The following SOCS2 variants were observed in gnomAD, a reference collection of about 807,000 sequenced individuals.
SOCS2 encodes CIS-2.
In SOCS2, 10 loss-of-function variants were observed where a neutral mutation model predicts 18.6. The ratio of observed to expected loss-of-function variants is 0.54; its 90% CI spans 0.33 to 0.91. The LOEUF is 0.91. Among genes scored for constraint, SOCS2 ranks in the 40% least tolerant of loss-of-function variants. The pLI is 0.02. For synonymous variants in SOCS2, 104 were observed against 104.0 expected (o/e 1.00, Z 0.00); for missense variants, 231 against 247.2 (o/e 0.93, Z 0.44).
chr12:93,608,000 CT>C, the SOCS2 span, among the ~76,000 whole-genome samples: 1,147 of 124,440 alleles, frequency 9.2e-3, 1 homozygote, highest in Non-Finnish European at 0.012. Flanking sequence ...GACTGTAAAT[CT>C]TTTTTTTTTT....
upstream of SOCS2, chr12:93,572,669 C>G (rs1355976601): frequency 8.4e-6 from 6 of 718,002 alleles, no homozygotes; most frequent in Admixed American, 1.2e-4. The surrounding 1 kb of genome is among the most constrained non-coding windows in gnomAD (Gnocchi z 5.0). Flanking sequence ...CCCAACCTCC[C>G]GCTTTCTCTT....
At chr12:93,614,416 T>TCC in the SOCS2 span, among the ~76,000 whole-genome samples, 148 of 112,056 alleles carry the variant, frequency 1.3e-3, 2 homozygotes, top group South Asian at 2.5e-3. Context: ...TTTCTTTCTT[T>TCC]CTTCCTTTCT....
downstream of SOCS2, among the ~76,000 whole-genome samples, chr12:93,586,970 C>T (rs1217474453): frequency 6.6e-6 from 1 of 152,104 alleles, no homozygotes; most frequent in East Asian, 1.9e-4. Flanking sequence ...GAGTTCAAGA[C>T]CAGCCTGGCC....
At chr12:93,595,492 T>G in the SOCS2 span, among the ~76,000 whole-genome samples, 1 of 152,330 alleles carries the variant, frequency 6.6e-6, no homozygotes, top group South Asian at 2.1e-4. Flanking sequence ...GAGTCTCACA[T>G]TTCTTGCATG....
the SOCS2 span, among the ~76,000 whole-genome samples, chr12:93,611,598 G>A: frequency 6.6e-6 from 1 of 152,102 alleles, no homozygotes; most frequent in African/African-American, 2.4e-5. Flanking sequence ...ATCAGCTATA[G>A]CAACCAAAGC....
chr12:93,577,846 C>T (rs994314071), downstream of SOCS2, among the ~76,000 whole-genome samples: 2 of 152,052 alleles, frequency 1.3e-5, no homozygotes, highest in African/African-American at 4.8e-5. Flanking sequence ...TTATTGGTAG[C>T]CCCATTTATA....
upstream of SOCS2, chr12:93,571,447 A>G (rs1943706279): frequency 6.6e-6 from 1 of 151,918 alleles, no homozygotes. Context: ...TCTTTTTTTT[A>G]TTTCCCCTAA....
the SOCS2 span, among the ~76,000 whole-genome samples, chr12:93,610,524 C>G: frequency 6.6e-6 from 1 of 152,154 alleles, no homozygotes; most frequent in African/African-American, 2.4e-5. Context: ...CCATGTGTTC[C>G]TCCAAAGTCC....
At chr12:93,572,123 G>C (rs1446156041), upstream of SOCS2, 2 of 170,500 alleles carry the variant, frequency 1.2e-5, no homozygotes, top group African/African-American at 2.4e-5. The surrounding 1 kb of genome is among the most constrained non-coding windows in gnomAD (Gnocchi z 5.0). Flanking sequence ...CCAGGAAGCG[G>C]GGGGAGGGGA....
At chr12:93,616,620 G>A in the SOCS2 span, among the ~76,000 whole-genome samples, 36 of 152,126 alleles carry the variant, frequency 2.4e-4, no homozygotes, top group African/African-American at 7.5e-4. Context: ...ACCACCCACT[G>A]TCACATAACA....
the SOCS2 span, among the ~76,000 whole-genome samples, chr12:93,619,353 G>A: frequency 1.3e-5 from 2 of 152,192 alleles, no homozygotes; most frequent in Non-Finnish European, 2.9e-5. Flanking sequence ...TGGGGCCCCA[G>A]AACAGGGCAG....
chr12:93,609,723 C>T, the SOCS2 span, among the ~76,000 whole-genome samples: 3 of 152,184 alleles, frequency 2.0e-5, no homozygotes, highest in African/African-American at 7.2e-5. Context: ...TGACTGTTCC[C>T]TAGGGATCTG....
the SOCS2 span, among the ~76,000 whole-genome samples, chr12:93,597,986 C>T: frequency 3.9e-5 from 6 of 152,072 alleles, no homozygotes; most frequent in African/African-American, 1.4e-4. Context: ...GTGTGCTAGA[C>T]CTCAGGAATA....
At chr12:93,619,101 C>G in the SOCS2 span, among the ~76,000 whole-genome samples, 1 of 152,222 alleles carries the variant, frequency 6.6e-6, no homozygotes, top group African/African-American at 2.4e-5. Context: ...GGAAAGCTAT[C>G]CCCACCGGTA....
chr12:93,586,977 G>C (rs747395194), downstream of SOCS2, among the ~76,000 whole-genome samples: 34 of 152,130 alleles, frequency 2.2e-4, no homozygotes, highest in Non-Finnish European at 3.1e-4. Context: ...AGACCAGCCT[G>C]GCCAACATGG....
the SOCS2 span, among the ~76,000 whole-genome samples, chr12:93,588,926 A>C: frequency 1.5e-4 from 23 of 152,166 alleles, no homozygotes; most frequent in Admixed American, 1.3e-4. Context: ...CTGGCCTGAC[A>C]GAGTGAATTT....
the SOCS2 span, among the ~76,000 whole-genome samples, chr12:93,614,593 T>C: frequency 1.8e-5 from 2 of 114,058 alleles, no homozygotes; most frequent in Admixed American, 1.0e-4. Context: ...CTTTCTTTCT[T>C]TCTTTCTTTC....
Position 93,574,793 on chromosome 12 carries a change from T to A in SOCS2, c.211T>A (p.Leu71Met). 6.2e-7 allele frequency: 1 copy of A among 1,614,198 alleles called. No individual in the cohort carries two copies. Among genetic ancestry groups the A allele is most frequent in the Non-Finnish European group, 8.5e-7 (1 of 1,180,026 alleles). Residue 71 changes from leucine (L) to methionine (M), a missense_variant, in exon 2 of 2, where the codon TTG becomes ATG. By Grantham distance (15) the Leu-to-Met change is conservative. This residue lies in a region of SOCS2 where 106 missense variants were observed against 103.8 expected (regional missense o/e 1.02). Transcript: ENST00000551556. ...AAAAGAGGCACCAGAAGGAACTTTC[T>A]TGATTAGAGATAGCTCGCATTCAGA... ...KLKEAPEGTF[L>M]IRDSSHSDYL...
At chr12:93,573,510 G>GC (rs904392931) in intron 1 of SOCS2, 12 of 273,188 alleles carry the variant, frequency 4.4e-5, no homozygotes, top group Non-Finnish European at 6.8e-5. Context: ...GAGGGCGGCT[G>GC]CCCGGGCGTC....
Sources: allele counts gnomAD v4.1 joint callset (sites outside exome capture counted in the v4.1 genomes callset), GRCh38; gene constraint gnomAD v4.1.1; regional missense constraint gnomAD v4.1.1; non-coding constraint Gnocchi (gnomAD v3.1); transcripts MANE v1.5; gene names NCBI Gene and HGNC (gene_info 2026-07-23, HGNC 2026-07-21).